The following CADM2 variants were observed in gnomAD, a reference collection of about 807,000 sequenced individuals.
CADM2 encodes cell adhesion molecule 2, also known as immunoglobulin superfamily member 4D.
Under a neutral mutation model 49.8 loss-of-function variants are expected in CADM2, and 12 were observed. That is an observed-to-expected ratio of 0.24 (90% CI 0.15 to 0.39). CADM2 has a LOEUF of 0.39. CADM2 is among the 10% of genes least tolerant of loss of function. The pLI is 1.00. For synonymous variants in CADM2, 214 were observed against 175.4 expected (o/e 1.22, Z -1.74); for missense variants, 378 against 492.3 (o/e 0.77, Z 2.20).
At chr3:86,041,010 A>C (rs1168073567) in intron 8 of CADM2, among the ~76,000 whole-genome samples, 8 of 152,022 alleles carry the variant, frequency 5.3e-5, no homozygotes, top group African/African-American at 1.5e-4. Flanking sequence ...GAAATAAAAT[A>C]CTTTACAGAC....
At chr3:86,017,059 G>T (rs1417704935) in intron 8 of CADM2, among the ~76,000 whole-genome samples, 1 of 150,966 alleles carries the variant, frequency 6.6e-6, no homozygotes, top group Non-Finnish European at 1.5e-5. Context: ...TGTGCTTATT[G>T]CTTTAAGCTT....
chr3:85,473,348 T>A (rs2038847297), intron 1 of CADM2, among the ~76,000 whole-genome samples: 1 of 152,080 alleles, frequency 6.6e-6, no homozygotes, highest in Non-Finnish European at 1.5e-5. Context: ...ATGCCTTTAC[T>A]CTTGACAAGT....
intron 1 of CADM2, among the ~76,000 whole-genome samples, chr3:85,194,868 T>TA (rs953917105): frequency 6.6e-5 from 10 of 151,476 alleles, no homozygotes; most frequent in East Asian, 5.8e-4. Context: ...CAACAAATAT[T>TA]AAAAAAAAAT....
chr3:85,629,133 A>G (rs2064224561), intron 1 of CADM2, among the ~76,000 whole-genome samples: 1 of 151,864 alleles, frequency 6.6e-6, no homozygotes, highest in African/African-American at 2.4e-5. Context: ...CACAGCTATT[A>G]TATATGGTCA....
chr3:84,976,971 A>C (rs2107118643), intron 1 of CADM2, among the ~76,000 whole-genome samples: 1 of 152,058 alleles, frequency 6.6e-6, no homozygotes, highest in East Asian at 1.9e-4. Flanking sequence ...AATAACAACA[A>C]ATTCACCATG....
intron 8 of CADM2, among the ~76,000 whole-genome samples, chr3:86,064,727 G>A (rs1461538630): frequency 6.6e-6 from 1 of 152,126 alleles, no homozygotes; most frequent in Non-Finnish European, 1.5e-5. Context: ...CAGTTAGAAT[G>A]GCGATCATTA....
intron 5 of CADM2, among the ~76,000 whole-genome samples, chr3:85,900,025 C>A (rs1715895146): frequency 6.6e-6 from 1 of 152,168 alleles, no homozygotes; most frequent in African/African-American, 2.4e-5. Flanking sequence ...CTCAAAGAGG[C>A]CACCAAATTC....
At chr3:85,673,674 GAA>G (rs970173145) in intron 1 of CADM2, among the ~76,000 whole-genome samples, 1 of 152,040 alleles carries the variant, frequency 6.6e-6, no homozygotes, top group African/African-American at 2.4e-5. Flanking sequence ...AGGAAGAAGA[GAA>G]AGAGGGAGAG....
intron 1 of CADM2, among the ~76,000 whole-genome samples, chr3:85,251,646 A>G (rs1164804441): frequency 6.6e-6 from 1 of 151,970 alleles, no homozygotes; most frequent in African/African-American, 2.4e-5. Context: ...TCTTTTGCTC[A>G]TTGCTTATTG....
chr3:85,863,219 T>A (rs1244165501), intron 3 of CADM2, among the ~76,000 whole-genome samples: 1 of 152,086 alleles, frequency 6.6e-6, no homozygotes, highest in Non-Finnish European at 1.5e-5. Flanking sequence ...AACTCACATG[T>A]GGTCTTTGTA....
chr3:85,525,257 T>A (rs182022323), intron 1 of CADM2, among the ~76,000 whole-genome samples: 1 of 152,322 alleles, frequency 6.6e-6, no homozygotes, highest in African/African-American at 2.4e-5. Context: ...GTATTCAGCA[T>A]CCAATTTCTT....
chr3:85,181,734 GA>G (rs962889900), intron 1 of CADM2, among the ~76,000 whole-genome samples: 6 of 151,230 alleles, frequency 4.0e-5, no homozygotes, highest in African/African-American at 1.5e-4. Context: ...TACCCACAGA[GA>G]TTTTTTTCCC....
At chr3:85,554,294 C>G (rs1164596529) in intron 1 of CADM2, among the ~76,000 whole-genome samples, 1 of 152,170 alleles carries the variant, frequency 6.6e-6, no homozygotes. Flanking sequence ...TAATGCCGCC[C>G]CTGAATCTGA....
At chr3:85,848,820 A>T (rs922641828) in intron 3 of CADM2, among the ~76,000 whole-genome samples, 6 of 152,200 alleles carry the variant, frequency 3.9e-5, no homozygotes, top group African/African-American at 1.4e-4. Flanking sequence ...CATGTTACTG[A>T]CTACATGTCA....
At chr3:86,040,604 G>T (rs1225688844) in intron 8 of CADM2, among the ~76,000 whole-genome samples, 1 of 152,180 alleles carries the variant, frequency 6.6e-6, no homozygotes, top group East Asian at 1.9e-4. Flanking sequence ...ATCGACGTCT[G>T]ATTTGTGTAC....
intron 1 of CADM2, among the ~76,000 whole-genome samples, chr3:85,220,389 T>G (rs1279921894): frequency 6.6e-6 from 1 of 152,144 alleles, no homozygotes; most frequent in Non-Finnish European, 1.5e-5. Context: ...GCATTCTATA[T>G]TACTGTCTAA....
intron 1 of CADM2, among the ~76,000 whole-genome samples, chr3:85,028,253 G>A (rs894532066): frequency 6.6e-6 from 1 of 152,072 alleles, no homozygotes; most frequent in Non-Finnish European, 1.5e-5. Context: ...ATTTAAATTC[G>A]ATGTGATAGA....
intron 7 of CADM2, among the ~76,000 whole-genome samples, chr3:85,940,826 A>AT (rs995642375): frequency 9.9e-5 from 15 of 151,776 alleles, no homozygotes; most frequent in South Asian, 2.1e-4. Context: ...CACACTGAGT[A>AT]TTTTTTTTCC....
rs370792904 is a variant in CADM2 at position 85,924,178 on chromosome 3, C to CT, written c.701-11580dup. 1.4e-3 allele frequency among the ~76,000 whole-genome samples: 206 copies of CT among 151,024 alleles called. 1 individual carries two copies. Among genetic ancestry groups the CT allele is most frequent in the African/African-American group, 4.4e-3 (182 of 41,204 alleles). On this transcript the variant is annotated intron_variant, in intron 6 of 9. Coordinates refer to ENST00000383699, the MANE Select transcript of CADM2 (RefSeq NM_001167675.2). ...ACCTATTTTTAAAATTAAATTGTTT[C>CT]TTTTTTTTTGGAGCACCTCTAATAA... is the stretch of plus-strand genomic sequence containing the variant.
Sources: allele counts gnomAD v4.1 joint callset (sites outside exome capture counted in the v4.1 genomes callset), GRCh38; gene constraint gnomAD v4.1.1; transcripts MANE v1.5; gene names NCBI Gene and HGNC (gene_info 2026-07-23, HGNC 2026-07-21).